The following ZNF331 variants were observed in gnomAD, a reference collection of about 807,000 sequenced individuals.
The protein encoded by ZNF331 is zinc finger protein 331, also known as C2H2-like zinc finger protein rearranged in thyroid adenomas.
ZNF331 carries 2 observed loss-of-function variants against 7.0 expected under a neutral mutation model. The observed-to-expected ratio is 0.29, with a 90% CI of 0.12 to 0.90. The LOEUF is 0.90. ZNF331 is among the 40% of genes least tolerant of loss of function. ZNF331 has a pLI of 0.58. For synonymous variants in ZNF331, 196 were observed against 205.4 expected (o/e 0.95, Z 0.39); for missense variants, 432 against 587.7 (o/e 0.74, Z 2.74).
the ZNF331 span, among the ~76,000 whole-genome samples, chr19:53,510,196 A>G: frequency 6.6e-6 from 1 of 152,212 alleles, no homozygotes; most frequent in African/African-American, 2.4e-5. Flanking sequence ...TGGCAGAGAA[A>G]CACTTACAAT....
At chr19:53,545,184 C>G (rs148693107) in intron 2 of ZNF331, among the ~76,000 whole-genome samples, 72 of 152,192 alleles carry the variant, frequency 4.7e-4, no homozygotes, top group Non-Finnish European at 9.6e-4. Context: ...ATCGCTCTTT[C>G]ACATACATTT....
At chr19:53,520,035 C>A (rs376700508), upstream of ZNF331, among the ~76,000 whole-genome samples, 1 of 149,672 alleles carries the variant, frequency 6.7e-6, no homozygotes, top group Non-Finnish European at 1.5e-5. Context: ...TTAAGCTTTC[C>A]GGGCTTATTA....
At chr19:53,543,068 G>A (rs2088293696) in intron 2 of ZNF331, among the ~76,000 whole-genome samples, 1 of 151,926 alleles carries the variant, frequency 6.6e-6, no homozygotes, top group Non-Finnish European at 1.5e-5. Flanking sequence ...CTCAGCCTCC[G>A]AAAGTGCTGG....
chr19:53,533,971 A>T (rs574163022), upstream of ZNF331, among the ~76,000 whole-genome samples: 54 of 152,160 alleles, frequency 3.5e-4, no homozygotes, highest in Non-Finnish European at 6.2e-4. Context: ...TATATGCAAT[A>T]CTCCTACAAT....
rs531026766 is a variant in ZNF331, at chr19:53,527,162, G to A, written c.-205+4478G>A. ...GCCGAGATTGTGCCTGGGTGACAGA[G>A]CGAGACTCCATCTTAAAAAATAAAA... On this transcript the variant is annotated intron_variant, in intron 2 of 6. Transcript: ENST00000253144. Among the ~76,000 whole-genome samples the A allele has an allele frequency of 3.9e-5, 6 of 152,072 alleles. No individual in the cohort carries two copies. The South Asian group carries it at 1.0e-3, about 26-fold the overall frequency.
chr19:53,506,488 C>CTG, the ZNF331 span, among the ~76,000 whole-genome samples: 3 of 138,784 alleles, frequency 2.2e-5, no homozygotes, highest in African/African-American at 2.8e-5. Flanking sequence ...CTCTGTCTGT[C>CTG]TCTCTCTCTC....
chr19:53,509,609 C>A, the ZNF331 span, among the ~76,000 whole-genome samples: 1 of 152,190 alleles, frequency 6.6e-6, no homozygotes, highest in Non-Finnish European at 1.5e-5. Context: ...CAGGCAGGAT[C>A]CCTGCAGGAG....
At position 53,558,429 on chromosome 19, in the gene ZNF331, C is replaced by G. The variant is rs1015216283; in HGVS notation, c.-74+2521C>G. Among the ~76,000 whole-genome samples the G allele has an allele frequency of 6.6e-6, 1 of 152,080 alleles. No individual in the cohort carries two copies. The highest frequency in any genetic ancestry group is 1.5e-5 in the Non-Finnish European group (1 of 68,014). Reference sequence around the variant, plus strand: ...TTCAGCTGTCCAGAAGCTCTCCTCACCCTGTCTTCTTAGGCCTTTTATGGA... The same window carrying G: ...TTCAGCTGTCCAGAAGCTCTCCTCAGCCTGTCTTCTTAGGCCTTTTATGGA... On this transcript the variant is annotated intron_variant, in intron 3 of 5. Coordinates refer to ENST00000449416, the MANE Select transcript of ZNF331 (RefSeq NM_001079906.2). This position sits in a 1 kb window ranked among gnomAD's most constrained non-coding sequence, Gnocchi z 4.5.
At chr19:53,548,957 T>G (rs2088806767) in intron 2 of ZNF331, among the ~76,000 whole-genome samples, 1 of 151,894 alleles carries the variant, frequency 6.6e-6, no homozygotes, top group Admixed American at 6.6e-5. Flanking sequence ...AAGTGATTTC[T>G]CCTCCCTCAG....
the ZNF331 span, among the ~76,000 whole-genome samples, chr19:53,506,422 C>CTCTCTCTCTCTCTG: frequency 2.6e-5 from 2 of 77,002 alleles, no homozygotes; most frequent in African/African-American, 1.2e-4. Context: ...CTCTCTCTCT[C>CTCTCTCTCTCTCTG]TCTCTCTCTC....
chr19:53,518,453 A>G (rs2086958883), upstream of ZNF331, among the ~76,000 whole-genome samples: 3 of 152,238 alleles, frequency 2.0e-5, no homozygotes, highest in South Asian at 6.2e-4. Flanking sequence ...GTCTAAGCCA[A>G]TTCTCCCTAA....
At position 53,565,590 on chromosome 19, in the gene ZNF331, G is replaced by T. The variant is rs10403130; in HGVS notation, c.-73-3714G>T. On this transcript the variant is annotated intron_variant, in intron 3 of 5. Transcript: ENST00000449416. ...CACCCAGGCTGGAGTGCAGTGGCAC[G>T]ATCTGGGCTCACTGGAAACTCCACC... 6.6e-3 allele frequency among the ~76,000 whole-genome samples: 1,004 copies of T among 151,946 alleles called. 9 individuals are homozygous for T. The highest frequency in any genetic ancestry group is 0.023 in the African/African-American group (938 of 41,422).
intron 2 of ZNF331, among the ~76,000 whole-genome samples, chr19:53,549,360 T>C (rs558670330): frequency 2.9e-4 from 44 of 152,226 alleles, no homozygotes; most frequent in African/African-American, 9.4e-4. Context: ...ATACAGCAGG[T>C]TGCAGCAAAG....
intron 2 of ZNF331, chr19:53,555,311 A>G (rs12971464): frequency 0.13 from 12,503 of 93,514 alleles, 1,938 homozygotes; most frequent in East Asian, 0.21. Flanking sequence ...CTCTGTGCTG[A>G]GATGGGTGAT....
intron 4 of ZNF331, among the ~76,000 whole-genome samples, chr19:53,569,907 G>A (rs2090352642): frequency 1.3e-5 from 2 of 152,084 alleles, no homozygotes; most frequent in African/African-American, 4.8e-5. Context: ...ATTATTGAAT[G>A]GATCTCTCAG....
chr19:53,521,331 AGTGTGTGT>A (rs755487590), exon 1 of ZNF331: 2 of 129,122 alleles, frequency 1.5e-5, no homozygotes, highest in African/African-American at 3.0e-5. Context: ...AGTGTGTGTG[AGTGTGTGT>A]GTGTGTGTGT....
upstream of ZNF331, among the ~76,000 whole-genome samples, chr19:53,515,697 G>A (rs8111554): frequency 0.33 from 50,402 of 151,722 alleles, 8,517 homozygotes; most frequent in Middle Eastern, 0.42. Context: ...GGGTTTCTCT[G>A]TGTTGGTCAG....
intron 2 of ZNF331, among the ~76,000 whole-genome samples, chr19:53,526,367 G>T (rs1488934372): frequency 2.0e-5 from 3 of 152,144 alleles, no homozygotes; most frequent in Non-Finnish European, 4.4e-5. Flanking sequence ...ATGTTTGGTA[G>T]AATTCAGCAG....
rs544803614 is a variant in ZNF331 at position 53,531,240 on chromosome 19, C to T, written c.-204-7976C>T. Among the ~76,000 whole-genome samples the T allele has an allele frequency of 2.0e-3, 302 of 152,300 alleles. 2 individuals carry two copies. The highest frequency in any genetic ancestry group is 6.9e-3 in the African/African-American group (286 of 41,578). On this transcript the variant is annotated intron_variant, in intron 2 of 6. Coordinates refer to the ZNF331 transcript ENST00000253144. ...CATTAAATGATTAGCGTTTATAAGA[C>T]AGGACTATTTACTTTCCTTGCCCCT...
Sources: gnomAD v4.1 joint callset for allele counts (sites outside exome capture counted in the v4.1 genomes callset) on GRCh38, gnomAD v4.1.1 for gene constraint, Gnocchi (gnomAD v3.1) non-coding constraint, MANE v1.5 for transcripts, NCBI Gene and HGNC (gene_info 2026-07-23, HGNC 2026-07-21) for gene names.